FHIT: variants seen among roughly 807,000 people sequenced by gnomAD.
FHIT encodes bis(5'-adenosyl)-triphosphatase.
Under a neutral mutation model 17.9 loss-of-function variants are expected in FHIT, and 19 were observed. That is an observed-to-expected ratio of 1.06 (90% CI 0.74 to 1.56). The LOEUF (loss-of-function observed/expected upper bound fraction) is 1.56. Ranked by LOEUF, FHIT falls within the 40% of genes most tolerant of loss-of-function variation. FHIT has a pLI of 0.00. For synonymous variants in FHIT, 81 were observed against 69.7 expected, an observed-to-expected ratio of 1.16 and a Z score of -0.81; for missense variants, 248 against 189.2, an observed-to-expected ratio of 1.31 and a Z score of -1.82.
chr3:59,856,812 C>T (rs372294925), intron 8 of FHIT, among the ~76,000 whole-genome samples: 18 of 151,592 alleles, frequency 1.2e-4, no homozygotes, highest in African/African-American at 4.1e-4. Context: ...CTGGAAGTAA[C>T]AGTAAGCAAT....
chr3:60,677,752 T>C lies in FHIT; in HGVS notation c.-17-140773A>G, dbSNP rs1265962255. 2.0e-5 allele frequency among the ~76,000 whole-genome samples: 3 copies of C among 152,168 alleles called. 1 individual carries two copies. Among genetic ancestry groups the C allele is most frequent in the Non-Finnish European group, 4.4e-5 (3 of 68,002 alleles). On this transcript the variant is annotated intron_variant, in intron 4 of 9. Transcript: ENST00000492590. ...TTTCAGTAGGATGAGTATCAGTTCTTCTTTGCACATTTTGTAGAATTTGGC... is the reference window on the plus strand; with the variant it reads ...TTTCAGTAGGATGAGTATCAGTTCTCCTTTGCACATTTTGTAGAATTTGGC...
intron 5 of FHIT, among the ~76,000 whole-genome samples, chr3:60,061,250 T>C (rs971596710): frequency 1.3e-5 from 2 of 152,204 alleles, no homozygotes; most frequent in African/African-American, 4.8e-5. Flanking sequence ...AAAGGACCTG[T>C]GTAAAAATCA....
chr3:59,798,584 T>G (rs1699871467), intron 8 of FHIT, among the ~76,000 whole-genome samples: 1 of 152,208 alleles, frequency 6.6e-6, no homozygotes, highest in African/African-American at 2.4e-5. Context: ...AGCTAGCACA[T>G]TATACACTGA....
At chr3:60,071,175 T>C (rs891417956) in intron 5 of FHIT, among the ~76,000 whole-genome samples, 45 of 152,114 alleles carry the variant, frequency 3.0e-4, no homozygotes, top group Admixed American at 2.0e-3. Context: ...AGCACCTGAA[T>C]TGTGGCTAGC....
chr3:60,005,499 G>C (rs780409893), intron 7 of FHIT, among the ~76,000 whole-genome samples: 3 of 152,056 alleles, frequency 2.0e-5, no homozygotes, highest in African/African-American at 7.2e-5. Flanking sequence ...CAGAGGAAAA[G>C]GGCTTGGAAC....
intron 3 of FHIT, among the ~76,000 whole-genome samples, chr3:61,006,848 T>C (rs999422169): frequency 6.6e-6 from 1 of 152,158 alleles, no homozygotes; most frequent in South Asian, 2.1e-4. Context: ...ACTTACATAG[T>C]AGAAAGTTTA....
At chr3:60,232,199 A>T (rs1288520194) in intron 5 of FHIT, among the ~76,000 whole-genome samples, 2 of 152,108 alleles carry the variant, frequency 1.3e-5, no homozygotes, top group Non-Finnish European at 2.9e-5. Flanking sequence ...CCTGCATCAT[A>T]TTTCAAGTTG....
chr3:60,615,130 C>T (rs1037204016), intron 4 of FHIT, among the ~76,000 whole-genome samples: 6 of 152,064 alleles, frequency 3.9e-5, no homozygotes, highest in Non-Finnish European at 5.9e-5. Context: ...ATCAAATGAC[C>T]GTTCTTGAAT....
At chr3:60,680,768 A>G (rs1196552323) in intron 4 of FHIT, among the ~76,000 whole-genome samples, 1 of 152,202 alleles carries the variant, frequency 6.6e-6, no homozygotes, top group African/African-American at 2.4e-5. Context: ...TGCTGATGCT[A>G]AAAGGCCATC....
chr3:60,404,936 T>C (rs1414037298), intron 5 of FHIT, among the ~76,000 whole-genome samples: 4 of 152,132 alleles, frequency 2.6e-5, no homozygotes, highest in African/African-American at 4.8e-5. Context: ...AAAAGAAGGA[T>C]GTCCAGGTTG....
chr3:60,430,351 GGAA>G (rs1702837539), intron 5 of FHIT, among the ~76,000 whole-genome samples: 1 of 151,888 alleles, frequency 6.6e-6, no homozygotes, highest in Admixed American at 6.6e-5. Context: ...TCCACAGAGA[GGAA>G]GAACCACAGA....
At chr3:61,030,799 C>G (rs1325780689) in intron 3 of FHIT, among the ~76,000 whole-genome samples, 1 of 152,128 alleles carries the variant, frequency 6.6e-6, no homozygotes, top group Non-Finnish European at 1.5e-5. Context: ...AAAGGAGAGG[C>G]AGGCCGTGAG....
At chr3:60,778,894 A>G (rs1700290835) in intron 4 of FHIT, among the ~76,000 whole-genome samples, 1 of 152,188 alleles carries the variant, frequency 6.6e-6, no homozygotes, top group South Asian at 2.1e-4. Context: ...CAGTCCCTGT[A>G]CAGGGTTCCT....
chr3:61,004,961 G>C (rs527825982), intron 3 of FHIT, among the ~76,000 whole-genome samples: 1 of 152,052 alleles, frequency 6.6e-6, no homozygotes, highest in African/African-American at 2.4e-5. Context: ...ATTCAATATA[G>C]CAATTATCTA....
chr3:60,752,369 G>A (rs958149348), intron 4 of FHIT, among the ~76,000 whole-genome samples: 32 of 152,116 alleles, frequency 2.1e-4, no homozygotes, highest in Non-Finnish European at 3.4e-4. Flanking sequence ...AGAAAGGGGA[G>A]AATCAATTGT....
chr3:60,917,715 C>T (rs1707079473), intron 3 of FHIT, among the ~76,000 whole-genome samples: 1 of 152,198 alleles, frequency 6.6e-6, no homozygotes, highest in Non-Finnish European at 1.5e-5. Context: ...TTTGACCACC[C>T]TATCTAAAAA....
chr3:60,735,125 C>A (rs2042108870), intron 4 of FHIT, among the ~76,000 whole-genome samples: 1 of 152,198 alleles, frequency 6.6e-6, no homozygotes, highest in South Asian at 2.1e-4. Flanking sequence ...GGTTGATTAA[C>A]CCTTCACTTG....
intron 4 of FHIT, among the ~76,000 whole-genome samples, chr3:60,637,829 T>C (rs1479636397): frequency 1.3e-5 from 2 of 152,194 alleles, no homozygotes; most frequent in African/African-American, 4.8e-5. Context: ...TTTGGACTTT[T>C]AAGCATTTCT....
chr3:60,743,444 A>C (rs2108013672), intron 4 of FHIT, among the ~76,000 whole-genome samples: 1 of 152,320 alleles, frequency 6.6e-6, no homozygotes, highest in South Asian at 2.1e-4. Context: ...GATCAACACA[A>C]TCTGCACCTC....
Sources: gnomAD v4.1 joint callset for allele counts (sites outside exome capture counted in the v4.1 genomes callset) on GRCh38, gnomAD v4.1.1 for gene constraint, MANE v1.5 for transcripts, NCBI Gene and HGNC (gene_info 2026-07-23, HGNC 2026-07-21) for gene names.